AGO4: variants seen among roughly 807,000 people sequenced by gnomAD.
The protein encoded by AGO4 is argonaute RISC component 4.
AGO4 carries 33 observed loss-of-function variants against 104.7 expected under a neutral mutation model. The ratio of observed to expected loss-of-function variants is 0.32; its 90% CI spans 0.24 to 0.42. The LOEUF (loss-of-function observed/expected upper bound fraction) is 0.42, where lower values mean the gene tolerates loss of function less well. Among genes scored for constraint, AGO4 ranks in the 10% least tolerant of loss-of-function variants. AGO4 has a pLI of 1.00. For missense variants in AGO4, 711 were observed against 1,083.4 expected (o/e 0.66, Z 4.83); for synonymous variants, 331 against 364.7 (o/e 0.91, Z 1.05).
chr1:35,843,301 G>C (rs887699657), intron 15 of AGO4, among the ~76,000 whole-genome samples: 6 of 152,040 alleles, frequency 3.9e-5, no homozygotes, highest in African/African-American at 1.4e-4. Flanking sequence ...CCTGACCTCA[G>C]GTGATCCACC....
chr1:35,826,461 C>T (rs1044068351), intron 6 of AGO4, among the ~76,000 whole-genome samples: 12 of 152,100 alleles, frequency 7.9e-5, no homozygotes, highest in African/African-American at 2.2e-4. Context: ...ATAAACTTCA[C>T]GAAAGCTGTC....
rs1370926033 is a variant in AGO4 at position 35,832,620 on chromosome 1, A to C, written c.1379+50A>C. 3 of 1,597,488 alleles carry C rather than the reference A, an allele frequency of 1.9e-6. No homozygotes were observed. The African/African-American group carries it at 4.0e-5, about 22-fold the overall frequency. ...TAGTAATATCCCTTCCAGATATGAAAATACTGTCTTTATGTGAATGTGCTG... is the reference window on the plus strand; with the variant it reads ...TAGTAATATCCCTTCCAGATATGAACATACTGTCTTTATGTGAATGTGCTG... On this transcript the variant is annotated intron_variant, in intron 11 of 17. Coordinates refer to ENST00000373210, the MANE Select transcript of AGO4 (RefSeq NM_017629.4).
At chr1:35,822,444 G>A (rs768814486) in intron 2 of AGO4, among the ~76,000 whole-genome samples, 2 of 151,202 alleles carry the variant, frequency 1.3e-5, no homozygotes, top group Non-Finnish European at 2.9e-5. Flanking sequence ...AGTAGAGACA[G>A]GGTTTCACTG....
chr1:35,850,798 A>AC lies in AGO4; in HGVS notation c.2278-56_2278-55insC, dbSNP rs1371290907. The AC allele has an allele frequency of 6.2e-5, 67 of 1,082,108 alleles. No homozygotes were observed. In the South Asian group the frequency reaches 9.4e-4, roughly 15 times the overall value. 67.0% of individuals were successfully genotyped at this position (1,082,108 alleles called of 1,614,324 possible). ...TCCATCTCAAAAAAAAAAAAAAAAA[A>AC]ACAAAAACAAAAAACGAACAAAAAA... On this transcript the variant is annotated intron_variant, in intron 16 of 17. Coordinates refer to ENST00000373210, the MANE Select transcript of AGO4 (RefSeq NM_017629.4).
chr1:35,827,823 G>A (rs1462937600), intron 7 of AGO4, among the ~76,000 whole-genome samples: 1 of 141,974 alleles, frequency 7.0e-6, no homozygotes, highest in South Asian at 2.2e-4. Flanking sequence ...TTTGGAGACA[G>A]GGTCTCACTC....
rs1644213015 is a variant in AGO4 at position 35,832,651 on chromosome 1, A to G, written c.1379+81A>G. 2.0e-6 allele frequency: 3 copies of G among 1,489,594 alleles called. No individual in the cohort carries two copies. In the African/African-American group the frequency reaches 4.2e-5, roughly 21 times the overall value. The allele number at this position is 1,489,594 out of a possible 1,614,324, so 92.3% of individuals were successfully genotyped here. The stretch of plus-strand genomic sequence containing the variant: ...GTCTTTATGTGAATGTGCTGTGTAC[A>G]CTGGCACTAAATCCCTGACTCCCAT... On this transcript the variant is annotated intron_variant, in intron 11 of 17. Coordinates refer to ENST00000373210, the MANE Select transcript of AGO4 (RefSeq NM_017629.4).
chr1:35,848,203 C>T (rs1014373165), intron 15 of AGO4, among the ~76,000 whole-genome samples: 5 of 152,208 alleles, frequency 3.3e-5, no homozygotes, highest in African/African-American at 7.2e-5. Context: ...ATTTGAGATT[C>T]ATCCAAGTTG....
rs1643899534 is a variant in AGO4 at position 35,822,119 on chromosome 1, A to C, written c.186-743A>C. 2.0e-5 allele frequency among the ~76,000 whole-genome samples: 3 copies of C among 152,004 alleles called. No homozygotes were observed. The East Asian group carries it at 5.8e-4, about 29-fold the overall frequency. ...AGTCTCGAACTCCTGACCTCAAGTG[A>C]TCCACCTGCCTCGGCCTCCCAAAGT... On this transcript the variant is annotated intron_variant, in intron 2 of 17. Transcript: ENST00000373210.
rs1033973943 is a variant in AGO4, at chr1:35,831,571, C to T, written c.993C>T (p.Leu331=). Residue 331 remains leucine, a synonymous_variant, in exon 8 of 18, where the codon CTC becomes CTT. Transcript: ENST00000373210. ...GQEQKHTYLP[L]EVCNIVAGQR... ...AACAAAAGCATACATACTTGCCACT[C>T]GAGGTAAGTTAAATTTTCTTTTGCC... 1.9e-5 allele frequency: 30 copies of T among 1,607,850 alleles called. No homozygotes were observed. Among genetic ancestry groups the T allele is most frequent in the Non-Finnish European group, 2.5e-5 (29 of 1,178,536 alleles).
At chr1:35,850,371 G>A (rs1030831941) in intron 16 of AGO4, 113 bp downstream of exon 16, 10 of 835,246 alleles carry the variant, frequency 1.2e-5, no homozygotes, top group Non-Finnish European at 2.1e-5. Context: ...GTTAATGCTT[G>A]TATCCTAGAA....
At chr1:35,849,174 T>C (rs1644642048) in intron 15 of AGO4, among the ~76,000 whole-genome samples, 1 of 152,170 alleles carries the variant, frequency 6.6e-6, no homozygotes, top group South Asian at 2.1e-4. Context: ...GATTTTCAAA[T>C]TTTGTCTGTA....
At chr1:35,807,772 G>C (rs1368397593), upstream of AGO4, among the ~76,000 whole-genome samples, 1 of 152,200 alleles carries the variant, frequency 6.6e-6, no homozygotes, top group Non-Finnish European at 1.5e-5. Context: ...TGGGAGGAGG[G>C]AGGAGGGAGG....
chr1:35,845,525 A>AT (rs2148683121), intron 15 of AGO4, among the ~76,000 whole-genome samples: 1 of 151,770 alleles, frequency 6.6e-6, no homozygotes, highest in African/African-American at 2.4e-5. Context: ...GACTTTTTTG[A>AT]TTCCTCTTTC....
intron 15 of AGO4, among the ~76,000 whole-genome samples, chr1:35,849,833 T>C (rs1301075615): frequency 2.6e-5 from 4 of 152,314 alleles, no homozygotes; most frequent in South Asian, 4.2e-4. Context: ...CTATCTTAAA[T>C]GTTAAATGTT....
rs539423339 is a variant in AGO4, at chr1:35,824,647, T to C, written c.307-666T>C. Among the ~76,000 whole-genome samples, 29 of 151,974 alleles carry C rather than the reference T, an allele frequency of 1.9e-4. No homozygotes were observed. In the South Asian group the frequency reaches 3.9e-3, roughly 21 times the overall value. ...GACCCATCTCTACAAAAAAAAAATT[T>C]CTAATTAGCCAGGCATGGTGGTGTG... On this transcript the variant is annotated intron_variant, in intron 3 of 17. Coordinates refer to ENST00000373210, the MANE Select transcript of AGO4 (RefSeq NM_017629.4).
intron 1 of AGO4, among the ~76,000 whole-genome samples, chr1:35,813,730 C>G (rs1200167687): frequency 6.6e-6 from 1 of 150,878 alleles, no homozygotes; most frequent in Non-Finnish European, 1.5e-5. Flanking sequence ...GCCTGGGCAA[C>G]AGAGCAAGAC....
At chr1:35,813,919 C>CA (rs1643593690) in intron 1 of AGO4, among the ~76,000 whole-genome samples, 1 of 150,878 alleles carries the variant, frequency 6.6e-6, no homozygotes, top group Non-Finnish European at 1.5e-5. Context: ...ACTAAAAATA[C>CA]AAAAAATTAG....
In AGO4 at chr1:35,857,212, C is replaced by G. The variant is rs1644836136; in HGVS notation, c.*3607C>G. On this transcript the variant is annotated 3_prime_UTR_variant, in exon 18 of 18. Coordinates refer to ENST00000373210, the MANE Select transcript of AGO4 (RefSeq NM_017629.4). The stretch of plus-strand genomic sequence containing the variant: ...GTGAATGTGCTGTGATATTTTCTTG[C>G]TCAATAGCAAGGTGGTAGCTCTGCT... 1 of 152,196 alleles carries G rather than the reference C, an allele frequency of 6.6e-6. No homozygotes were observed. Among genetic ancestry groups the G allele is most frequent in the South Asian group, 2.1e-4 (1 of 4,824 alleles). 9.4% of individuals were successfully genotyped at this position (152,196 alleles called of 1,614,324 possible).
At chr1:35,847,075 T>TTTTTTTTTTTGTTTTTTTTTTTTGAG (rs1258504331) in intron 15 of AGO4, among the ~76,000 whole-genome samples, 2 of 152,026 alleles carry the variant, frequency 1.3e-5, no homozygotes, top group African/African-American at 4.8e-5. Context: ...CCATATGTTT[T>TTTTTTTTTTTGTTTTTTTTTTTTGAG]AAAACAGGGG....
Sources: gnomAD v4.1 joint callset for allele counts (sites outside exome capture counted in the v4.1 genomes callset) on GRCh38, gnomAD v4.1.1 for gene constraint, MANE v1.5 for transcripts, NCBI Gene and HGNC (gene_info 2026-07-23, HGNC 2026-07-21) for gene names.